Variants in ASIC2 observed in about 807,000 individuals in gnomAD.
ASIC2 encodes acid-sensing ion channel 2.
A neutral mutation model predicts 57.3 loss-of-function variants in ASIC2; 25 were observed. The ratio of observed to expected loss-of-function variants is 0.44; its 90% CI spans 0.32 to 0.61. The LOEUF (loss-of-function observed/expected upper bound fraction) is 0.61. Ranked by LOEUF, ASIC2 falls within the 20% of genes least tolerant of loss-of-function variation. The pLI is 0.06. For missense variants in ASIC2, 641 were observed against 738.1 expected (o/e 0.87, Z 1.52); for synonymous variants, 319 against 307.5 (o/e 1.04, Z -0.39).
chr17:33,655,856 GAA>G (rs375327630), intron 1 of ASIC2, among the ~76,000 whole-genome samples: 33 of 152,276 alleles, frequency 2.2e-4, no homozygotes, highest in African/African-American at 7.5e-4. Flanking sequence ...TATCTATCAT[GAA>G]GAGAGAGAAG....
chr17:33,529,384 G>A (rs374282533), intron 1 of ASIC2, among the ~76,000 whole-genome samples: 27 of 152,252 alleles, frequency 1.8e-4, no homozygotes, highest in East Asian at 9.7e-4. Flanking sequence ...ATGGTACAGA[G>A]CGCGTTTCTT....
At chr17:33,836,029 T>G (rs1236209784) in intron 1 of ASIC2, among the ~76,000 whole-genome samples, 3 of 149,412 alleles carry the variant, frequency 2.0e-5, no homozygotes, top group Non-Finnish European at 4.4e-5. Flanking sequence ...ATATGTATCC[T>G]ACACACATGA....
intron 1 of ASIC2, among the ~76,000 whole-genome samples, chr17:33,145,942 C>T (rs937649014): frequency 6.6e-5 from 10 of 152,192 alleles, no homozygotes; most frequent in Admixed American, 3.3e-4. Context: ...CCGCCACAGC[C>T]GACCCAGAGA....
chr17:33,478,844 C>A (rs1450147897), intron 1 of ASIC2, among the ~76,000 whole-genome samples: 4 of 152,152 alleles, frequency 2.6e-5, no homozygotes, highest in Non-Finnish European at 5.9e-5. Context: ...CTAGATGCTT[C>A]TGCTAAACAG....
At position 33,260,559 on chromosome 17, in the gene ASIC2, G is replaced by C. The variant is rs75733826; in HGVS notation, c.708+30849C>G. ...CCACACTATGGATCGCTGCCGCCAG[G>C]GGGGCGGGGAATACGAGGTCTTTGC... On this transcript the variant is annotated intron_variant, in intron 1 of 9. Transcript: ENST00000225823. Among the ~76,000 whole-genome samples the C allele has an allele frequency of 1.3e-3, 201 of 152,346 alleles. 1 individual carries two copies. The highest frequency in any genetic ancestry group is 4.5e-3 in the African/African-American group (187 of 41,580).
chr17:34,034,741 A>G (rs1251933530), intron 1 of ASIC2, among the ~76,000 whole-genome samples: 2 of 152,228 alleles, frequency 1.3e-5, no homozygotes, highest in African/African-American at 4.8e-5. Flanking sequence ...GAGCCAAATC[A>G]TGAGTGAACT....
chr17:33,856,500 G>GGCAGTAGCAGCA (rs1434786342), intron 1 of ASIC2, among the ~76,000 whole-genome samples: 185 of 16,900 alleles, frequency 0.011, 1 homozygote, highest in Admixed American at 0.018. Context: ...TAATAGTGTT[G>GGCAGTAGCAGCA]TCAGTAGTAG....
In ASIC2 at chr17:33,889,556, T is replaced by TA. The variant is rs11368261; in HGVS notation, c.555+266421dup. ...CCATGGAAAACAATTCTCTCAGTTA[T>TA]AAAAAAAAACTTACTTCCACAAAGA... is the stretch of plus-strand genomic sequence containing the variant. On this transcript the variant is annotated intron_variant, in intron 1 of 9. Coordinates refer to the ASIC2 transcript ENST00000359872. 1.4e-4 allele frequency among the ~76,000 whole-genome samples: 21 copies of TA among 151,878 alleles called. No individual in the cohort carries two copies. The South Asian group carries it at 1.9e-3, about 14-fold the overall frequency.
chr17:33,461,263 C>T (rs12601996), intron 1 of ASIC2, among the ~76,000 whole-genome samples: 3 of 152,132 alleles, frequency 2.0e-5, no homozygotes, highest in Non-Finnish European at 2.9e-5. Flanking sequence ...AGTTTTGAAA[C>T]CTTATTCACC....
chr17:34,049,678 A>G (rs1160350277), intron 1 of ASIC2, among the ~76,000 whole-genome samples: 2 of 152,182 alleles, frequency 1.3e-5, no homozygotes, highest in Non-Finnish European at 2.9e-5. Context: ...TCACATCTGC[A>G]TGATATAAAA....
intron 3 of ASIC2, among the ~76,000 whole-genome samples, chr17:33,033,566 T>C (rs2091895139): frequency 6.6e-6 from 1 of 152,128 alleles, no homozygotes; most frequent in Non-Finnish European, 1.5e-5. Flanking sequence ...CCCCAACCCA[T>C]CCCTGCAGGC....
intron 1 of ASIC2, among the ~76,000 whole-genome samples, chr17:33,211,817 A>G (rs138446996): frequency 2.1e-3 from 317 of 152,308 alleles, no homozygotes; most frequent in African/African-American, 6.5e-3. Context: ...CTTAAAATCA[A>G]TGAGGCTGTG....
chr17:33,471,083 C>G (rs1414541845), intron 1 of ASIC2, among the ~76,000 whole-genome samples: 2 of 152,204 alleles, frequency 1.3e-5, no homozygotes, highest in Non-Finnish European at 2.9e-5. Context: ...GAGGTCTGAG[C>G]ATGTTCTGTG....
intron 1 of ASIC2, among the ~76,000 whole-genome samples, chr17:33,663,223 G>A (rs976021647): frequency 1.3e-5 from 2 of 152,208 alleles, no homozygotes; most frequent in Admixed American, 6.5e-5. Context: ...GGTTCACGCA[G>A]CAGGTAATGG....
At chr17:33,661,429 T>C (rs1047464111) in intron 1 of ASIC2, among the ~76,000 whole-genome samples, 9 of 152,204 alleles carry the variant, frequency 5.9e-5, no homozygotes, top group Non-Finnish European at 1.3e-4. Context: ...AGGGCCATCA[T>C]CTTTGTAGAA....
chr17:33,318,721 G>A (rs145263166), intron 1 of ASIC2, among the ~76,000 whole-genome samples: 20 of 152,300 alleles, frequency 1.3e-4, no homozygotes, highest in African/African-American at 3.6e-4. Context: ...GTGGAGGGTC[G>A]TGTGTGTAAG....
At chr17:34,027,464 GA>G (rs950018861) in intron 1 of ASIC2, among the ~76,000 whole-genome samples, 11 of 150,986 alleles carry the variant, frequency 7.3e-5, no homozygotes, top group Admixed American at 2.6e-4. Flanking sequence ...CCACCTCTTT[GA>G]AAAAAAAATC....
chr17:33,870,649 C>T (rs1170890197), intron 1 of ASIC2, among the ~76,000 whole-genome samples: 2 of 152,000 alleles, frequency 1.3e-5, no homozygotes, highest in African/African-American at 4.8e-5. Flanking sequence ...AGTCTCAGGC[C>T]AGAGCCTCTT....
intron 1 of ASIC2, among the ~76,000 whole-genome samples, chr17:33,414,754 T>G (rs1400605963): frequency 6.6e-6 from 1 of 152,200 alleles, no homozygotes; most frequent in Non-Finnish European, 1.5e-5. Flanking sequence ...TTTAATTTGG[T>G]TCTGTCACTG....
Sources: allele counts gnomAD v4.1 joint callset (sites outside exome capture counted in the v4.1 genomes callset), GRCh38; gene constraint gnomAD v4.1.1; transcripts MANE v1.5; gene names NCBI Gene and HGNC (gene_info 2026-07-23, HGNC 2026-07-21).